Variants in BOD1L1 observed in about 807,000 individuals in gnomAD.
The protein encoded by BOD1L1 is biorientation of chromosomes in cell division protein 1-like 1.
A neutral mutation model predicts 240.7 loss-of-function variants in BOD1L1; 86 were observed. The ratio of observed to expected loss-of-function variants is 0.36; its 90% confidence interval spans 0.30 to 0.43. BOD1L1 has a LOEUF of 0.43. Among genes scored for constraint, BOD1L1 ranks in the 20% least tolerant of loss-of-function variants. The pLI, the probability that BOD1L1 is intolerant of heterozygous loss-of-function variation, is 1.00. For synonymous variants in BOD1L1, 1,268 were observed against 1,272.3 expected (o/e 1.00, Z 0.07); for missense variants, 3,554 against 3,643.5 (o/e 0.98, Z 0.63).
chr4:13,603,598 G>A lies in BOD1L1; in HGVS notation c.3302C>T (p.Ser1101Phe). The A allele has an allele frequency of 6.2e-7, 1 of 1,613,964 alleles. No individual in the cohort carries two copies. The highest frequency in any genetic ancestry group is 8.5e-7 in the Non-Finnish European group (1 of 1,179,884). Residue 1101 changes from serine to phenylalanine, a missense_variant, in exon 10 of 26, where the codon TCC (serine) becomes TTC (phenylalanine). Ser to Phe is a radical substitution (Grantham distance 155). Coordinates refer to ENST00000040738, the MANE Select transcript of BOD1L1 (RefSeq NM_148894.3). ...ACCACTCTTTTTTGGTCTCTGAAGG[G>A]AGGAACCGCTGGGAGTGCTCAAAGT... The part of the protein sequence containing the change: ...ANTLSTPSGS[S>F]LQRPKKSGDM...
rs144549098 is a variant in BOD1L1, at chr4:13,604,803, G to A, written c.2097C>T (p.Asn699=). The A allele has an allele frequency of 2.3e-5, 37 of 1,612,914 alleles. No homozygotes were observed. The highest frequency in any genetic ancestry group is 1.2e-4 in the African/African-American group (9 of 74,794). Reference sequence around the variant, plus strand: ...AATCATCTTTCTTTAGATGCTTTTCGTTTTTAAGTGTGCTTTTCTGTTTCT... The same window carrying A: ...AATCATCTTTCTTTAGATGCTTTTCATTTTTAAGTGTGCTTTTCTGTTTCT... ...EPQKQKSTLK[N]EKHLKKDDSE... Residue 699 remains asparagine, a synonymous_variant, in exon 10 of 26, where the codon AAC becomes AAT. Coordinates refer to ENST00000040738, the MANE Select transcript of BOD1L1 (RefSeq NM_148894.3).
At chr4:13,618,692 T>G (rs753513268) in intron 2 of BOD1L1, among the ~76,000 whole-genome samples, 1 of 152,208 alleles carries the variant, frequency 6.6e-6, no homozygotes, top group Non-Finnish European at 1.5e-5. Context: ...CCCAGGCTTC[T>G]GGTTTCTAGT....
chr4:13,606,736 TA>T (rs1426359281), intron 9 of BOD1L1, among the ~76,000 whole-genome samples: 5 of 152,208 alleles, frequency 3.3e-5, no homozygotes, highest in Non-Finnish European at 5.9e-5. Context: ...ACTTGTACTC[TA>T]AAAAATTATG....
At chr4:13,579,279 T>C (rs1446783360) in intron 22 of BOD1L1, among the ~76,000 whole-genome samples, 3 of 152,184 alleles carry the variant, frequency 2.0e-5, no homozygotes, top group Non-Finnish European at 1.5e-5. Flanking sequence ...TACAAAATTA[T>C]TAATAAAAAC....
Position 13,604,720 on chromosome 4 carries a change from T to G in BOD1L1, c.2180A>C (p.Lys727Thr). The G allele has an allele frequency of 6.2e-7, 1 of 1,605,296 alleles. No individual in the cohort carries two copies. The highest frequency in any genetic ancestry group is 8.5e-7 in the Non-Finnish European group (1 of 1,177,984). Reference sequence around the variant, plus strand: ...CGATGGAGTTTTCTCTCTTTCAGGCTTCTCCTTGGAGGATTTCACCTCTTT... The same window carrying G: ...CGATGGAGTTTTCTCTCTTTCAGGCGTCTCCTTGGAGGATTTCACCTCTTT... ...LKKEVKSSKE[K>T]PEREKTPSED... is the part of the protein sequence containing the mutation. Residue 727 changes from lysine (K) to threonine (T), a missense_variant, in exon 10 of 26, where the codon AAG becomes ACG. By Grantham distance (78) the Lys-to-Thr change is moderately conservative (BLOSUM62 -1). This residue lies in a region of BOD1L1 where 3,393 missense variants were observed against 3,427.1 expected (regional missense o/e 0.99). Coordinates refer to ENST00000040738, the MANE Select transcript of BOD1L1 (RefSeq NM_148894.3).
rs991438379 is a variant in BOD1L1 at position 13,599,073 on chromosome 4, A to G, written c.7827T>C (p.Tyr2609=). ...CEQDLTIKND[Y]SGKWTDQASA... ...ATGCTTGATCAGTCCATTTGCCACT[A>G]TAATCATTCTTTATAGTCAAGTCCT... The change falls in exon 10 of 26, where the codon TAT becomes TAC. Residue 2609 remains tyrosine, a synonymous_variant. Transcript: ENST00000040738. 1 of 1,614,004 alleles carries G rather than the reference A, an allele frequency of 6.2e-7. No homozygotes were observed. The highest frequency in any genetic ancestry group is 2.2e-5 in the East Asian group (1 of 44,882).
At chr4:13,615,144 T>A (rs1716489908) in intron 3 of BOD1L1, among the ~76,000 whole-genome samples, 168 bp downstream of exon 3, 1 of 152,218 alleles carries the variant, frequency 6.6e-6, no homozygotes, top group Non-Finnish European at 1.5e-5. Flanking sequence ...TTTTTATTAA[T>A]CTAGAAAACG....
In BOD1L1 at chr4:13,582,220, C is replaced by A. The variant is rs536790610; in HGVS notation, c.8592+17G>T. 4.4e-6 allele frequency: 7 copies of A among 1,599,124 alleles called. No individual in the cohort carries two copies. Among genetic ancestry groups the A allele is most frequent in the Non-Finnish European group, 4.3e-6 (5 of 1,169,888 alleles). ...TTAAATAATTGTGAACAAACAAATA[C>A]GAAAAGCACATCTCACCTCCTGAGA... On this transcript the variant is annotated intron_variant, in intron 19 of 25. Transcript: ENST00000040738.
At chr4:13,598,778 T>C (rs1344143287) in intron 10 of BOD1L1, among the ~76,000 whole-genome samples, 168 bp downstream of exon 10, 1 of 152,198 alleles carries the variant, frequency 6.6e-6, no homozygotes, top group Non-Finnish European at 1.5e-5. Context: ...AGTTTGACCT[T>C]CAAGTTTGAT....
In BOD1L1 at chr4:13,599,606, CTTCT is replaced by C. The variant is rs1714930109; in HGVS notation, c.7290_7293del (p.Glu2431ArgfsTer10). ...TCGGGGCACTCCTTGCCATGCTTCT[CTTCT>C]TTTTCCGCACAAACAGCACTTGGAT... On this transcript the variant is annotated frameshift_variant, in exon 10 of 26. Transcript: ENST00000040738. LOFTEE classifies it high-confidence loss of function. 1 of 1,613,940 alleles carries C rather than the reference CTTCT, an allele frequency of 6.2e-7. No individual in the cohort carries two copies. The highest frequency in any genetic ancestry group is 8.5e-7 in the Non-Finnish European group (1 of 1,179,916).
Position 13,604,732 on chromosome 4 carries a change from G to A in BOD1L1, c.2168C>T (p.Ser723Phe), listed in dbSNP as rs1577357993. The A allele has an allele frequency of 1.9e-6, 3 of 1,611,038 alleles. No homozygotes were observed. The highest frequency in any genetic ancestry group is 1.7e-6 in the Non-Finnish European group (2 of 1,179,342). The change falls in exon 10 of 26, where the codon TCC becomes TTC. Residue 723 changes from serine to phenylalanine, a missense_variant. Around this residue, in one of 2 missense-constraint regions of BOD1L1, gnomAD observed 3,393 missense variants for 3,427.1 expected, o/e 0.99. Transcript: ENST00000040738. ...CTCTCTTTCAGGCTTCTCCTTGGAG[G>A]ATTTCACCTCTTTCTTAAGTAGGCT... ...LKSLLKKEVKSSKEKPEREKT... is the reference protein window; with the variant it reads ...LKSLLKKEVKFSKEKPEREKT...
In BOD1L1 at chr4:13,614,533, C is replaced by T. The variant is rs528048999; in HGVS notation, c.837G>A (p.Glu279=). The T allele has an allele frequency of 1.9e-6, 3 of 1,613,952 alleles. No homozygotes were observed. The highest frequency in any genetic ancestry group is 1.3e-5 in the African/African-American group (1 of 75,042). The stretch of plus-strand genomic sequence containing the variant: ...CGACTGGACAGGGGAGGTCGCTGAA[C>T]TCTTCAGACTTTGGGGCTGTTTCCA... ...EGLETAPKSE[E]FSDLPCPVEE... is the part of the protein sequence containing the mutation. Residue 279 remains glutamate (E), a synonymous_variant, in exon 4 of 26, where the codon GAG becomes GAA. Transcript: ENST00000040738.
intron 25 of BOD1L1, among the ~76,000 whole-genome samples, chr4:13,571,711 G>T (rs1053684725): frequency 6.6e-6 from 1 of 152,214 alleles, no homozygotes; most frequent in South Asian, 2.1e-4. Flanking sequence ...CCCCAGCCTA[G>T]ACTTACAGAC....
chr4:13,604,206 T>C lies in BOD1L1; in HGVS notation c.2694A>G (p.Arg898=). The change falls in exon 10 of 26, where the codon CGA becomes CGG. Residue 898 remains arginine, a synonymous_variant. Coordinates refer to ENST00000040738, the MANE Select transcript of BOD1L1 (RefSeq NM_148894.3). ...KPEEVVHKEK[R]RTKSLLEEKL... ...TCTCTTCTAACAAGCTCTTTGTTCGTCGTTTCTCCTTGTGAACAACCTCTT... is the reference window on the plus strand; with the variant it reads ...TCTCTTCTAACAAGCTCTTTGTTCGCCGTTTCTCCTTGTGAACAACCTCTT... 1 of 1,613,700 alleles carries C rather than the reference T, an allele frequency of 6.2e-7. No homozygotes were observed. The highest frequency in any genetic ancestry group is 8.5e-7 in the Non-Finnish European group (1 of 1,179,810).
At chr4:13,620,123 C>T in intron 1 of BOD1L1, 56 bp from the exon 2 acceptor site, 1 of 1,483,154 alleles carries the variant, frequency 6.7e-7, no homozygotes, top group Non-Finnish European at 9.0e-7. Context: ...CAATATTCAC[C>T]TCTCAGAAAA....
intron 9 of BOD1L1, among the ~76,000 whole-genome samples, chr4:13,606,051 G>A (rs1715674803): frequency 6.6e-6 from 1 of 152,116 alleles, no homozygotes; most frequent in African/African-American, 2.4e-5. Context: ...ACGGACCTTT[G>A]TGCCTCTAGG....
rs767899102 is a variant in BOD1L1, at chr4:13,599,668, G to C, written c.7232C>G (p.Pro2411Arg). ...CCCTGCAGAGGGCTTGTGGACTGAT[G>C]GCCCGTTGTGCCCCTCCTCGGTGCT... ...AVSTEEGHNG[P>R]SVHKPSAGQG... Residue 2411 changes from proline (P) to arginine (R), a missense_variant, in exon 10 of 26, where the codon CCA becomes CGA. By Grantham distance (103) the Pro-to-Arg change is moderately radical. Around this residue, in one of 2 missense-constraint regions of BOD1L1, gnomAD observed 3,393 missense variants for 3,427.1 expected, o/e 0.99. Transcript: ENST00000040738. 2 of 1,613,892 alleles carry C rather than the reference G, an allele frequency of 1.2e-6. No individual in the cohort carries two copies. Among genetic ancestry groups the C allele is most frequent in the Non-Finnish European group, 1.7e-6 (2 of 1,179,880 alleles).
At chr4:13,576,732 T>C in intron 25 of BOD1L1, 106 bp downstream of exon 25, 1 of 1,376,598 alleles carries the variant, frequency 7.3e-7, no homozygotes, top group Non-Finnish European at 9.8e-7. Flanking sequence ...GAACTTCCAC[T>C]GCAGCATGAA....
chr4:13,574,885 A>C (rs1167462171), intron 25 of BOD1L1, among the ~76,000 whole-genome samples: 1 of 151,202 alleles, frequency 6.6e-6, no homozygotes, highest in Non-Finnish European at 1.5e-5. Context: ...GTCTGGAGGA[A>C]TTAGAAACAG....
Sources: gnomAD v4.1 joint callset for allele counts (sites outside exome capture counted in the v4.1 genomes callset) on GRCh38, gnomAD v4.1.1 for gene constraint, gnomAD v4.1.1 regional missense constraint, MANE v1.5 for transcripts, NCBI Gene and HGNC (gene_info 2026-07-23, HGNC 2026-07-21) for gene names.